Variants in OR5J2 observed in about 807,000 individuals in gnomAD.
OR5J2 encodes olfactory receptor 5J2.
A neutral mutation model predicts 6.7 loss-of-function variants in OR5J2; 4 were observed. The ratio of observed to expected loss-of-function variants is 0.60; its 90% CI spans 0.29 to 1.37. OR5J2 has a LOEUF of 1.37. Ranked by LOEUF, OR5J2 falls within the 40% of genes most tolerant of loss-of-function variation. The probability of loss-of-function intolerance (pLI) is 0.09; values close to 1 mark genes in which losing one functional copy is unlikely to be tolerated. For synonymous variants in OR5J2, 174 were observed against 140.4 expected (o/e 1.24, Z -1.69); for missense variants, 415 against 366.4 (o/e 1.13, Z -1.08).
rs1448262719 is a variant in OR5J2, at chr11:56,177,018, T to A, written c.401T>A (p.Val134Glu). The A allele has an allele frequency of 1.2e-6, 2 of 1,614,134 alleles. No individual in the cohort carries two copies. Among genetic ancestry groups the A allele is most frequent in the East Asian group, 4.5e-5 (2 of 44,880 alleles). Reference protein sequence around the residue: ...VAIVSPLLYTVAMSDRKCVEL... With the variant: ...VAIVSPLLYTEAMSDRKCVEL... ...ATTGTGAGTCCCTTGCTTTACACTGTAGCCATGTCTGATAGAAAGTGTGTG... is the reference window on the plus strand; with the variant it reads ...ATTGTGAGTCCCTTGCTTTACACTGAAGCCATGTCTGATAGAAAGTGTGTG... Residue 134 changes from valine to glutamate, a missense_variant, in exon 1 of 1, where the codon GTA becomes GAA. By Grantham distance (121) the Val-to-Glu change is moderately radical (BLOSUM62 -2). Coordinates refer to ENST00000312298, the MANE Select transcript of OR5J2 (RefSeq NM_001005492.1).
rs1358539640 is a variant in OR5J2, at chr11:56,176,629, T to C, written c.12T>C (p.Asp4=). The C allele has an allele frequency of 6.3e-7, 1 of 1,598,888 alleles. No homozygotes were observed. Among genetic ancestry groups the C allele is most frequent in the Non-Finnish European group, 8.5e-7 (1 of 1,170,910 alleles). Residue 4 remains aspartate, a synonymous_variant, in exon 1 of 1, where the codon GAT becomes GAC. Transcript: ENST00000312298. MAD[D]NFTVVTEFIL... is the part of the protein sequence containing the mutation. ...AAAGAAAGAAACATATGGCTGATGA[T>C]AATTTTACAGTTGTCACTGAGTTTA...
Position 56,177,330 on chromosome 11 carries a change from T to A in OR5J2, c.713T>A (p.Phe238Tyr). 1 of 1,614,016 alleles carries A rather than the reference T, an allele frequency of 6.2e-7. No individual in the cohort carries two copies. Among genetic ancestry groups the A allele is most frequent in the South Asian group, 1.1e-5 (1 of 91,076 alleles). Residue 238 changes from phenylalanine to tyrosine, a missense_variant, in exon 1 of 1, where the codon TTC becomes TAC. Physicochemically the swap from Phe to Tyr is conservative, Grantham distance 22. Coordinates refer to ENST00000312298, the MANE Select transcript of OR5J2 (RefSeq NM_001005492.1). ...IHSASGRQQAFSTCASHLTAV... is the reference protein window; with the variant it reads ...IHSASGRQQAYSTCASHLTAV... Reference sequence around the variant, plus strand: ...TCAGCATCAGGCAGACAGCAAGCCTTCTCCACCTGTGCCTCTCACCTGACT... The same window carrying A: ...TCAGCATCAGGCAGACAGCAAGCCTACTCCACCTGTGCCTCTCACCTGACT...
Position 56,177,533 on chromosome 11 carries a change from G to T in OR5J2, c.916G>T (p.Glu306Ter). ...AAAGGAGGCAGTGAAAAGGGCCATA[G>T]AAATGAAACATTTCCTCTGTTAATT... The part of the protein sequence containing the change: ...DVKEAVKRAI[E>*]MKHFLC Residue 306 changes from glutamate to a stop codon, truncating the protein, a stop_gained, in exon 1 of 1, where the codon GAA becomes TAA. Transcript: ENST00000312298. LOFTEE classifies it high-confidence loss of function. The T allele has an allele frequency of 6.3e-7, 1 of 1,598,238 alleles. No homozygotes were observed.
chr11:56,176,770 C>A lies in OR5J2; in HGVS notation c.153C>A (p.Ile51=). The change falls in exon 1 of 1, where the codon ATC becomes ATA. Residue 51 remains isoleucine (I), a synonymous_variant. Coordinates refer to ENST00000312298, the MANE Select transcript of OR5J2 (RefSeq NM_001005492.1). ...RNLGMILLIQ[I]TSKLHTPMYF... ...TGGGCATGATCCTCTTAATCCAAATCACCTCCAAACTCCACACACCCATGT... is the reference window on the plus strand; with the variant it reads ...TGGGCATGATCCTCTTAATCCAAATAACCTCCAAACTCCACACACCCATGT... The A allele has an allele frequency of 6.2e-7, 1 of 1,614,070 alleles. No individual in the cohort carries two copies. Among genetic ancestry groups the A allele is most frequent in the Non-Finnish European group, 8.5e-7 (1 of 1,179,994 alleles).
chr11:56,176,874 T>C lies in OR5J2; in HGVS notation c.257T>C (p.Leu86Pro), dbSNP rs1565066319. Residue 86 changes from leucine (L) to proline (P), a missense_variant, in exon 1 of 1, where the codon CTG becomes CCG. Leu to Pro is a moderately conservative substitution (Grantham distance 98). Coordinates refer to ENST00000312298, the MANE Select transcript of OR5J2 (RefSeq NM_001005492.1). Reference protein sequence around the residue: ...AIAPKMLVNLLVVKATISFSA... With the variant: ...AIAPKMLVNLPVVKATISFSA... The stretch of plus-strand genomic sequence containing the variant: ...GCACCCAAAATGCTGGTGAACCTCC[T>C]GGTTGTGAAGGCAACAATTTCTTTC... 1 of 1,614,150 alleles carries C rather than the reference T, an allele frequency of 6.2e-7. No homozygotes were observed.
Position 56,176,622 on chromosome 11 carries a change from C to T in OR5J2, c.5C>T (p.Ala2Val). Residue 2 changes from alanine (A) to valine (V), a missense_variant, in exon 1 of 1, where the codon GCT becomes GTT. Coordinates refer to ENST00000312298, the MANE Select transcript of OR5J2 (RefSeq NM_001005492.1). ...TTGTGAAAAAGAAAGAAACATATGG[C>T]TGATGATAATTTTACAGTTGTCACT... M[A>V]DDNFTVVTEF... 8.8e-6 allele frequency: 14 copies of T among 1,592,012 alleles called. No individual in the cohort carries two copies. Among genetic ancestry groups the T allele is most frequent in the South Asian group, 1.1e-5 (1 of 89,082 alleles).
chr11:56,176,654 A>T lies in OR5J2; in HGVS notation c.37A>T (p.Ile13Phe), dbSNP rs776526791. The T allele has an allele frequency of 9.9e-6, 16 of 1,612,314 alleles. No homozygotes were observed. The East Asian group carries it at 1.8e-4, about 18-fold the overall frequency. Residue 13 changes from isoleucine to phenylalanine, a missense_variant, in exon 1 of 1, where the codon ATT (isoleucine) becomes TTT (phenylalanine). Physicochemically the swap from Ile to Phe is conservative, Grantham distance 21. Transcript: ENST00000312298. ...TAATTTTACAGTTGTCACTGAGTTT[A>T]TTCTTTTGGGATTGACAGATCATGC... The part of the protein sequence containing the change: ...DDNFTVVTEF[I>F]LLGLTDHAEL...
At position 56,176,925 on chromosome 11, in the gene OR5J2, G is replaced by A. The variant is rs1264672492; in HGVS notation, c.308G>A (p.Cys103Tyr). ...TCTGCTTGCATGGTACAGCATTTGT[G>A]TTTCGGAGTGTTCATCACCACAGAA... ...SFSACMVQHLCFGVFITTEGF... is the reference protein window; with the variant it reads ...SFSACMVQHLYFGVFITTEGF... Residue 103 changes from cysteine (C) to tyrosine (Y), a missense_variant, in exon 1 of 1, where the codon TGT becomes TAT. Physicochemically the swap from Cys to Tyr is radical, Grantham distance 194. Coordinates refer to ENST00000312298, the MANE Select transcript of OR5J2 (RefSeq NM_001005492.1). The A allele has an allele frequency of 3.1e-6, 5 of 1,614,150 alleles. No homozygotes were observed. In the Middle Eastern group the frequency reaches 4.9e-4, roughly 160 times the overall value.
rs767607788 is a variant in OR5J2 at position 56,176,934 on chromosome 11, T to A, written c.317T>A (p.Val106Glu). Residue 106 changes from valine to glutamate, a missense_variant, in exon 1 of 1, where the codon GTG becomes GAG. Coordinates refer to ENST00000312298, the MANE Select transcript of OR5J2 (RefSeq NM_001005492.1). ...ATGGTACAGCATTTGTGTTTCGGAG[T>A]GTTCATCACCACAGAAGGCTTCTTA... ...ACMVQHLCFG[V>E]FITTEGFLLS... 6.2e-7 allele frequency: 1 copy of A among 1,614,092 alleles called. No individual in the cohort carries two copies. Among genetic ancestry groups the A allele is most frequent in the Admixed American group, 1.7e-5 (1 of 60,014 alleles).
In OR5J2 at chr11:56,177,364, C is replaced by T; in HGVS notation, c.747C>T (p.Thr249=). The T allele has an allele frequency of 1.9e-6, 3 of 1,614,040 alleles. No homozygotes were observed. The highest frequency in any genetic ancestry group is 2.5e-6 in the Non-Finnish European group (3 of 1,179,966). Residue 249 remains threonine (T), a synonymous_variant, in exon 1 of 1, where the codon ACC becomes ACT. Transcript: ENST00000312298. ...STCASHLTAV[T]IFYGTLIFSY... ...GTGCCTCTCACCTGACTGCTGTGAC[C>T]ATATTCTATGGTACCTTAATCTTTA...
In OR5J2 at chr11:56,177,414, A is replaced by AT; in HGVS notation, c.801dup (p.Val268CysfsTer?). ...AGCTACATTCAGCCAAGCTCCCAGT[A>AT]TTTTGTGGAACAAGAGAAAGTGGTT... On this transcript the variant is annotated frameshift_variant, in exon 1 of 1. Transcript: ENST00000312298. LOFTEE classifies it high-confidence loss of function. 1 of 1,613,986 alleles carries AT rather than the reference A, an allele frequency of 6.2e-7. No homozygotes were observed. The highest frequency in any genetic ancestry group is 1.7e-5 in the Admixed American group (1 of 59,996).
In OR5J2 at chr11:56,176,930, G is replaced by C. The variant is rs376086008; in HGVS notation, c.313G>C (p.Gly105Arg). Reference sequence around the variant, plus strand: ...TTGCATGGTACAGCATTTGTGTTTCGGAGTGTTCATCACCACAGAAGGCTT... The same window carrying C: ...TTGCATGGTACAGCATTTGTGTTTCCGAGTGTTCATCACCACAGAAGGCTT... ...SACMVQHLCF[G>R]VFITTEGFLL... The change falls in exon 1 of 1, where the codon GGA becomes CGA. Residue 105 changes from glycine to arginine, a missense_variant. By Grantham distance (125) the Gly-to-Arg change is moderately radical. Transcript: ENST00000312298. The C allele has an allele frequency of 1.9e-6, 3 of 1,614,046 alleles. No homozygotes were observed. The Admixed American group carries it at 5.0e-5, about 27-fold the overall frequency.
At position 56,176,621 on chromosome 11, in the gene OR5J2, G is replaced by A; in HGVS notation, c.4G>A (p.Ala2Thr). Reference sequence around the variant, plus strand: ...TTTGTGAAAAAGAAAGAAACATATGGCTGATGATAATTTTACAGTTGTCAC... The same window carrying A: ...TTTGTGAAAAAGAAAGAAACATATGACTGATGATAATTTTACAGTTGTCAC... M[A>T]DDNFTVVTEF... The change falls in exon 1 of 1, where the codon GCT becomes ACT. Residue 2 changes from alanine (A) to threonine (T), a missense_variant. Transcript: ENST00000312298. 1 of 1,591,742 alleles carries A rather than the reference G, an allele frequency of 6.3e-7. No individual in the cohort carries two copies. The highest frequency in any genetic ancestry group is 8.6e-7 in the Non-Finnish European group (1 of 1,166,326).
Position 56,176,627 on chromosome 11 carries a change from G to A in OR5J2, c.10G>A (p.Asp4Asn). Residue 4 changes from aspartate (D) to asparagine (N), a missense_variant, in exon 1 of 1, where the codon GAT becomes AAT. Coordinates refer to ENST00000312298, the MANE Select transcript of OR5J2 (RefSeq NM_001005492.1). ...AAAAAGAAAGAAACATATGGCTGATGATAATTTTACAGTTGTCACTGAGTT... is the reference window on the plus strand; with the variant it reads ...AAAAAGAAAGAAACATATGGCTGATAATAATTTTACAGTTGTCACTGAGTT... MAD[D>N]NFTVVTEFIL... 1 of 1,596,458 alleles carries A rather than the reference G, an allele frequency of 6.3e-7. No individual in the cohort carries two copies. Among genetic ancestry groups the A allele is most frequent in the Non-Finnish European group, 8.6e-7 (1 of 1,169,428 alleles).
In OR5J2 at chr11:56,177,455, C is replaced by A. The variant is rs757279588; in HGVS notation, c.838C>A (p.Leu280Ile). The A allele has an allele frequency of 1.2e-6, 2 of 1,613,592 alleles. No individual in the cohort carries two copies. Among genetic ancestry groups the A allele is most frequent in the Non-Finnish European group, 1.7e-6 (2 of 1,179,772 alleles). ...QEKVVSMFYT[L>I]GIPMLNLLIH... is the part of the protein sequence containing the mutation. ...GAAAGTGGTTTCTATGTTCTATACG[C>A]TAGGGATTCCCATGTTAAACCTGTT... Residue 280 changes from leucine (L) to isoleucine (I), a missense_variant, in exon 1 of 1, where the codon CTA becomes ATA. Leu to Ile is a conservative substitution (Grantham distance 5). Coordinates refer to ENST00000312298, the MANE Select transcript of OR5J2 (RefSeq NM_001005492.1).
Position 56,176,748 on chromosome 11 carries a change from G to A in OR5J2, c.131G>A (p.Gly44Asp). Reference sequence around the variant, plus strand: ...GCCATTACCTTGTTGAGGAATCTGGGCATGATCCTCTTAATCCAAATCACC... The same window carrying A: ...GCCATTACCTTGTTGAGGAATCTGGACATGATCCTCTTAATCCAAATCACC... ...IYAITLLRNL[G>D]MILLIQITSK... The change falls in exon 1 of 1, where the codon GGC (glycine) becomes GAC (aspartate). Residue 44 changes from glycine (G) to aspartate (D), a missense_variant. By Grantham distance (94) the Gly-to-Asp change is moderately conservative. Coordinates refer to ENST00000312298, the MANE Select transcript of OR5J2 (RefSeq NM_001005492.1). The A allele has an allele frequency of 6.2e-7, 1 of 1,613,880 alleles. No individual in the cohort carries two copies. The highest frequency in any genetic ancestry group is 8.5e-7 in the Non-Finnish European group (1 of 1,179,890).
chr11:56,177,349 C>T lies in OR5J2; in HGVS notation c.732C>T (p.His244=), dbSNP rs1387458216. The part of the protein sequence containing the change: ...RQQAFSTCAS[H]LTAVTIFYGT... ...AAGCCTTCTCCACCTGTGCCTCTCA[C>T]CTGACTGCTGTGACCATATTCTATG... is the stretch of plus-strand genomic sequence containing the variant. The change falls in exon 1 of 1, where the codon CAC becomes CAT. Residue 244 remains histidine (H), a synonymous_variant. Coordinates refer to ENST00000312298, the MANE Select transcript of OR5J2 (RefSeq NM_001005492.1). The T allele has an allele frequency of 1.2e-6, 2 of 1,614,066 alleles. No homozygotes were observed. Among genetic ancestry groups the T allele is most frequent in the African/African-American group, 1.3e-5 (1 of 75,040 alleles).
chr11:56,177,543 A>G lies in OR5J2; in HGVS notation c.926A>G (p.His309Arg), dbSNP rs762348814. The change falls in exon 1 of 1, where the codon CAT (histidine) becomes CGT (arginine). Residue 309 changes from histidine (H) to arginine (R), a missense_variant. Transcript: ENST00000312298. ...GTGAAAAGGGCCATAGAAATGAAAC[A>G]TTTCCTCTGTTAATTTCAAGTCACT... ...EAVKRAIEMK[H>R]FLC The G allele has an allele frequency of 4.4e-6, 7 of 1,589,390 alleles. No homozygotes were observed. The South Asian group carries it at 7.7e-5, about 18-fold the overall frequency.
In OR5J2 at chr11:56,177,281, G is replaced by T; in HGVS notation, c.664G>T (p.Ala222Ser). 6.2e-7 allele frequency: 1 copy of T among 1,613,938 alleles called. No homozygotes were observed. Among genetic ancestry groups the T allele is most frequent in the Non-Finnish European group, 8.5e-7 (1 of 1,179,968 alleles). ...LTVIISYIFI[A>S]FASLRIHSAS... ...TGTGATCATTTCCTACATCTTCATTGCTTTTGCTAGCCTAAGGATCCACTC... is the reference window on the plus strand; with the variant it reads ...TGTGATCATTTCCTACATCTTCATTTCTTTTGCTAGCCTAAGGATCCACTC... Residue 222 changes from alanine (A) to serine (S), a missense_variant, in exon 1 of 1, where the codon GCT (alanine) becomes TCT (serine). By Grantham distance (99) the Ala-to-Ser change is moderately conservative. Transcript: ENST00000312298.
Sources: gnomAD v4.1 joint callset for allele counts on GRCh38, gnomAD v4.1.1 for gene constraint, MANE v1.5 for transcripts, NCBI Gene and HGNC (gene_info 2026-07-23, HGNC 2026-07-21) for gene names.